The following RGS6 variants were observed in gnomAD, a reference collection of about 807,000 sequenced individuals.
The protein encoded by RGS6 is regulator of G-protein signaling 6.
A neutral mutation model predicts 78.5 loss-of-function variants in RGS6; 30 were observed. That is an observed-to-expected ratio of 0.38 (90% CI 0.29 to 0.52). The LOEUF is 0.52. Among genes scored for constraint, RGS6 ranks in the 20% least tolerant of loss-of-function variants. The pLI is 0.85. For missense variants in RGS6, 495 were observed against 609.7 expected (o/e 0.81, Z 1.98); for synonymous variants, 206 against 206.0 (o/e 1.00, Z 0.00).
chr14:72,186,132 G>A (rs1002146003), intron 2 of RGS6, among the ~76,000 whole-genome samples: 4 of 152,200 alleles, frequency 2.6e-5, no homozygotes, highest in African/African-American at 7.2e-5. Context: ...TGACCCCAAA[G>A]CCTATGGCTG....
intron 1 of RGS6, among the ~76,000 whole-genome samples, chr14:71,941,819 G>T (rs1566876511): frequency 6.6e-6 from 1 of 152,144 alleles, no homozygotes. Flanking sequence ...GACACACCCA[G>T]GATCAATACT....
chr14:72,438,934 G>A (rs1450213103), intron 3 of RGS6, among the ~76,000 whole-genome samples: 1 of 152,212 alleles, frequency 6.6e-6, no homozygotes, highest in Admixed American at 6.5e-5. Flanking sequence ...CCTGCCTCTT[G>A]CCCTCTGGAC....
At chr14:71,872,483 G>C in the RGS6 span, among the ~76,000 whole-genome samples, 1 of 152,084 alleles carries the variant, frequency 6.6e-6, no homozygotes, top group Non-Finnish European at 1.5e-5. Context: ...ATGGATACTT[G>C]GGTCTCTTGT....
In RGS6 at chr14:71,961,416, T is replaced by C. The variant is rs545494996; in HGVS notation, c.-20-3356T>C. 3.9e-5 allele frequency among the ~76,000 whole-genome samples: 6 copies of C among 152,194 alleles called. No individual in the cohort carries two copies. In the South Asian group the frequency reaches 1.2e-3, roughly 32 times the overall value. ...GATAGTTGGTTAGTTGCAAAGGAGC[T>C]AGGGGTGGGGTGATACCAGGACTCC... is the stretch of plus-strand genomic sequence containing the variant. On this transcript the variant is annotated intron_variant, in intron 1 of 17. Coordinates refer to ENST00000553525, the MANE Select transcript of RGS6 (RefSeq NM_001204424.2).
At chr14:72,167,299 T>G (rs1360022185) in intron 2 of RGS6, among the ~76,000 whole-genome samples, 1 of 152,244 alleles carries the variant, frequency 6.6e-6, no homozygotes, top group Non-Finnish European at 1.5e-5. Flanking sequence ...TAGGGCAAAT[T>G]GAAGCATCTA....
chr14:72,235,021 T>C lies in RGS6; in HGVS notation c.85-117074T>C, dbSNP rs201225810. On this transcript the variant is annotated intron_variant, in intron 2 of 17. Transcript: ENST00000553525. The stretch of plus-strand genomic sequence containing the variant: ...AATTGAGTCAACTAGATGGCATGGC[T>C]TTTTTTCCTAGCTCCCATTGCCATC... Among the ~76,000 whole-genome samples the C allele has an allele frequency of 3.3e-5, 5 of 152,276 alleles. No homozygotes were observed. In the East Asian group the frequency reaches 9.7e-4, roughly 29 times the overall value.
the RGS6 span, among the ~76,000 whole-genome samples, chr14:71,889,373 A>G: frequency 6.6e-6 from 1 of 152,222 alleles, no homozygotes; most frequent in Non-Finnish European, 1.5e-5. Context: ...AAATGTAGCT[A>G]TAAGGATCTT....
chr14:72,325,876 C>G (rs2073611942), intron 2 of RGS6, among the ~76,000 whole-genome samples: 1 of 151,928 alleles, frequency 6.6e-6, no homozygotes, highest in Admixed American at 6.6e-5. Flanking sequence ...TGACAAGGAT[C>G]AAAAAGTTTA....
At chr14:71,949,385 A>C (rs1452439382) in intron 1 of RGS6, among the ~76,000 whole-genome samples, 1 of 152,036 alleles carries the variant, frequency 6.6e-6, no homozygotes, top group East Asian at 1.9e-4. Flanking sequence ...GTGATGTCTT[A>C]TTATGGCTTC....
chr14:72,383,177 CATATATATATATATATAT>C (rs35175623), intron 3 of RGS6, among the ~76,000 whole-genome samples: 62 of 71,024 alleles, frequency 8.7e-4, no homozygotes, highest in Admixed American at 1.5e-3. Flanking sequence ...AAAAATTGTA[CATATATATATATATATAT>C]ATATATATAT....
chr14:71,913,552 GCC>G, the RGS6 span, among the ~76,000 whole-genome samples: 1 of 152,274 alleles, frequency 6.6e-6, no homozygotes, highest in Non-Finnish European at 1.5e-5. Context: ...GCCTGGCAGA[GCC>G]AGCTCCATGA....
chr14:72,460,546 G>A (rs1378351561), intron 6 of RGS6, among the ~76,000 whole-genome samples: 3 of 152,212 alleles, frequency 2.0e-5, no homozygotes, highest in African/African-American at 7.2e-5. Flanking sequence ...ACTAGAGGGA[G>A]CAGAACTTGA....
chr14:72,459,573 T>A, intron 5 of RGS6, 59 bp from the exon 6 acceptor site: 1 of 1,537,514 alleles, frequency 6.5e-7, no homozygotes, highest in South Asian at 1.1e-5. Flanking sequence ...TCCCTGGGTG[T>A]GGGAGGGAAG....
Position 72,315,178 on chromosome 14 carries a change from CA to C in RGS6, c.85-36915del, listed in dbSNP as rs2069780159. Among the ~76,000 whole-genome samples, 3 of 152,128 alleles carry C rather than the reference CA, an allele frequency of 2.0e-5. No individual in the cohort carries two copies. The South Asian group carries it at 6.2e-4, about 32-fold the overall frequency. On this transcript the variant is annotated intron_variant, in intron 2 of 17. Transcript: ENST00000553525. ...CAGCTGAGAGATTAGAAACAAAAGCCAAGAAGGAATTTCTCCACTGCAATTA... is the reference window on the plus strand; with the variant it reads ...CAGCTGAGAGATTAGAAACAAAAGCCAGAAGGAATTTCTCCACTGCAATTA...
At chr14:72,570,096 T>C (rs1349521318), downstream of RGS6, among the ~76,000 whole-genome samples, 4 of 152,196 alleles carry the variant, frequency 2.6e-5, no homozygotes, top group Non-Finnish European at 5.9e-5. Context: ...TTTCCACGGA[T>C]TCAACAACCA....
At chr14:72,595,825 G>C in the RGS6 span, among the ~76,000 whole-genome samples, 1 of 152,106 alleles carries the variant, frequency 6.6e-6, no homozygotes, top group Non-Finnish European at 1.5e-5. Flanking sequence ...ACCATCATAC[G>C]GTTGCAAACC....
chr14:72,323,126 T>G (rs1264991513), intron 2 of RGS6, among the ~76,000 whole-genome samples: 3 of 152,152 alleles, frequency 2.0e-5, no homozygotes, highest in Non-Finnish European at 2.9e-5. Context: ...GATATGATTA[T>G]GTACTGTAAA....
chr14:72,237,477 G>A (rs1033791975), intron 2 of RGS6, among the ~76,000 whole-genome samples: 22 of 152,266 alleles, frequency 1.4e-4, no homozygotes, highest in African/African-American at 4.6e-4. Context: ...TACACCAGAC[G>A]TTTTCTTCCT....
At chr14:71,935,944 G>A (rs374381523) in intron 1 of RGS6, among the ~76,000 whole-genome samples, 25 of 144,340 alleles carry the variant, frequency 1.7e-4, no homozygotes, top group African/African-American at 5.9e-4. Context: ...GATGCTGACT[G>A]CTGGTTTGGT....
Sources: gnomAD v4.1 joint callset for allele counts (sites outside exome capture counted in the v4.1 genomes callset) on GRCh38, gnomAD v4.1.1 for gene constraint, MANE v1.5 for transcripts, NCBI Gene and HGNC (gene_info 2026-07-23, HGNC 2026-07-21) for gene names.